SYCE1L: variants seen among roughly 807,000 people sequenced by gnomAD.
SYCE1L encodes the protein synaptonemal complex central element protein 1-like.
A neutral mutation model predicts 39.6 loss-of-function variants in SYCE1L; 51 were observed. The observed-to-expected ratio is 1.29, with a 90% CI of 1.03 to 1.63. SYCE1L has a LOEUF of 1.63. SYCE1L is among the 40% of genes most tolerant of loss of function. SYCE1L has a pLI of 0.00. For missense variants in SYCE1L, 426 were observed against 304.9 expected (o/e 1.40, Z -2.96); for synonymous variants, 147 against 122.4 (o/e 1.20, Z -1.33).
chr16:77,213,212 A>C lies in SYCE1L; in HGVS notation c.*281A>C. On this transcript the variant is annotated 3_prime_UTR_variant, in exon 11 of 11. Transcript: ENST00000378644. ...CTCATCTCGAGTTCCCAAACCATCT[A>C]TGTTGTCAACAGGGGCCGGAGGGCA... 3 of 349,930 alleles carry C rather than the reference A, an allele frequency of 8.6e-6. No homozygotes were observed. The highest frequency in any genetic ancestry group is 4.3e-5 in the East Asian group (1 of 23,510). The allele number at this position is 349,930 out of a possible 1,614,324, so 21.7% of individuals were successfully genotyped here.
chr16:77,206,526 C>T (rs1375400281), intron 2 of SYCE1L, 26 bp downstream of exon 2: 21 of 1,551,158 alleles, frequency 1.4e-5, no homozygotes, highest in Non-Finnish European at 1.8e-5. Context: ...GTTTCTGAGC[C>T]TCAGCCTGGG....
intron 1 of SYCE1L, among the ~76,000 whole-genome samples, chr16:77,205,434 A>ATATATATATATATATATATATATATG (rs1491350777): frequency 2.8e-4 from 11 of 38,836 alleles, no homozygotes; most frequent in African/African-American, 8.3e-4. Flanking sequence ...ATAGAAGTAA[A>ATATATATATATATATATATATATATG]TATATATATA....
At chr16:77,210,310 G>A (rs761621993) in intron 6 of SYCE1L, among the ~76,000 whole-genome samples, 2 of 152,144 alleles carry the variant, frequency 1.3e-5, no homozygotes, top group Non-Finnish European at 2.9e-5. Context: ...AAAGTGCTGG[G>A]ATTACAGGCG....
intron 1 of SYCE1L, among the ~76,000 whole-genome samples, chr16:77,204,873 C>T (rs1301991266): frequency 6.6e-6 from 1 of 151,756 alleles, no homozygotes; most frequent in Non-Finnish European, 1.5e-5. Flanking sequence ...AGTAAAACCC[C>T]ATCTCTACTA....
In SYCE1L at chr16:77,212,922, C is replaced by A. The variant is rs1218305277; in HGVS notation, c.720C>A (p.Asp240Glu). Residue 240 changes from aspartate to glutamate, a missense_variant, in exon 11 of 11, where the codon GAC (aspartate) becomes GAA (glutamate). Physicochemically the swap from Asp to Glu is conservative, Grantham distance 45 (BLOSUM62 2). Coordinates refer to ENST00000378644, the MANE Select transcript of SYCE1L (RefSeq NM_001129979.3). ...EDPEPPVAAP[D>E]AL ...CCGAGCCGCCGGTGGCTGCCCCTGACGCCCTCTAGGCCAGCAGGACCCGCC... is the reference window on the plus strand; with the variant it reads ...CCGAGCCGCCGGTGGCTGCCCCTGAAGCCCTCTAGGCCAGCAGGACCCGCC... The A allele has an allele frequency of 2.6e-6, 4 of 1,529,876 alleles. No individual in the cohort carries two copies. Among genetic ancestry groups the A allele is most frequent in the South Asian group, 1.2e-5 (1 of 82,722 alleles). The allele number at this position is 1,529,876 out of a possible 1,614,324, so 94.8% of individuals were successfully genotyped here. A position where few individuals can be genotyped will look rare whatever the true frequency, so the allele number is the denominator to read the frequency against.
chr16:77,199,429 G>C lies in SYCE1L; in HGVS notation c.-23G>C. 1 of 1,551,122 alleles carries C rather than the reference G, an allele frequency of 6.4e-7. No individual in the cohort carries two copies. Among genetic ancestry groups the C allele is most frequent in the Non-Finnish European group, 8.7e-7 (1 of 1,146,754 alleles). ...TTTAACCAGTCATCAAGCGAGGCTC[G>C]CGCGCAGGCCCCGCGTTGGAAAATG... On this transcript the variant is annotated 5_prime_UTR_variant, in exon 1 of 11. Coordinates refer to ENST00000378644, the MANE Select transcript of SYCE1L (RefSeq NM_001129979.3).
intron 1 of SYCE1L, among the ~76,000 whole-genome samples, chr16:77,203,046 C>T (rs748837272): frequency 7.2e-5 from 11 of 151,948 alleles, no homozygotes; most frequent in Non-Finnish European, 1.6e-4. Context: ...CCAACTTGTT[C>T]AAAGTGATTG....
intron 10 of SYCE1L, 25 bp from the exon 11 acceptor site, chr16:77,212,832 C>G (rs1173127697): frequency 1.4e-6 from 2 of 1,461,000 alleles, no homozygotes; most frequent in Admixed American, 2.4e-5. Context: ...GAACCTGGTC[C>G]GCAGCCTCAC....
chr16:77,212,049 G>T, intron 7 of SYCE1L, 81 bp from the exon 8 acceptor site: 1 of 1,437,932 alleles, frequency 7.0e-7, no homozygotes, highest in Admixed American at 2.5e-5. Flanking sequence ...TGAAGACTTC[G>T]CGAGAAGCAC....
chr16:77,199,543 C>A (rs952540401), intron 1 of SYCE1L, 31 bp downstream of exon 1: 8 of 1,513,692 alleles, frequency 5.3e-6, no homozygotes, highest in Middle Eastern at 1.8e-4. Flanking sequence ...GCACTCCTTT[C>A]TCTCCAACCA....
intron 1 of SYCE1L, among the ~76,000 whole-genome samples, chr16:77,204,354 T>C (rs2054769911): frequency 6.6e-6 from 1 of 152,164 alleles, no homozygotes; most frequent in Non-Finnish European, 1.5e-5. Flanking sequence ...GGAAGTAGGG[T>C]CTTTGCAGTT....
At chr16:77,211,402 G>T (rs1233656446) in intron 7 of SYCE1L, 126 bp downstream of exon 7, 7 of 1,142,842 alleles carry the variant, frequency 6.1e-6, no homozygotes, top group Admixed American at 6.1e-5. Context: ...CCTTGCTTCC[G>T]CTTGCCCACC....
Position 77,212,265 on chromosome 16 carries a change from C to G in SYCE1L, c.494-17C>G, listed in dbSNP as rs1204195590. On this transcript the variant is annotated splice_polypyrimidine_tract_variant and intron_variant, in intron 8 of 10. Transcript: ENST00000378644. Reference sequence around the variant, plus strand: ...GCCCGGGCCTCGGCCCTGCCCCTGACGCCCGCCCACCGACAGGGAGGCTGG... The same window carrying G: ...GCCCGGGCCTCGGCCCTGCCCCTGAGGCCCGCCCACCGACAGGGAGGCTGG... 2.0e-6 allele frequency: 3 copies of G among 1,517,910 alleles called. No individual in the cohort carries two copies. Among genetic ancestry groups the G allele is most frequent in the Admixed American group, 2.3e-5 (1 of 44,070 alleles). The allele number at this position is 1,517,910 out of a possible 1,614,324, so 94.0% of individuals were successfully genotyped here.
chr16:77,213,208 A>C lies in SYCE1L; in HGVS notation c.*277A>C. On this transcript the variant is annotated 3_prime_UTR_variant, in exon 11 of 11. Coordinates refer to ENST00000378644, the MANE Select transcript of SYCE1L (RefSeq NM_001129979.3). ...CGGCCTCATCTCGAGTTCCCAAACC[A>C]TCTATGTTGTCAACAGGGGCCGGAG... 7 of 353,992 alleles carry C rather than the reference A, an allele frequency of 2.0e-5. No homozygotes were observed. The highest frequency in any genetic ancestry group is 4.7e-5 in the Admixed American group (1 of 21,388). The allele number at this position is 353,992 out of a possible 1,614,324, so 21.9% of individuals were successfully genotyped here. A position where few individuals can be genotyped will look rare whatever the true frequency, so the allele number is the denominator to read the frequency against.
In SYCE1L at chr16:77,213,022, A is replaced by T; in HGVS notation, c.*91A>T. 7.5e-7 allele frequency: 1 copy of T among 1,327,562 alleles called. No homozygotes were observed. Among genetic ancestry groups the T allele is most frequent in the Non-Finnish European group, 1.0e-6 (1 of 1,000,354 alleles). The allele number at this position is 1,327,562 out of a possible 1,614,324, so 82.2% of individuals were successfully genotyped here. A position where few individuals can be genotyped will look rare whatever the true frequency, so the allele number is the denominator to read the frequency against. ...CCGACCATGCTCGCGTTCTCCGCGG[A>T]GTCTGTGCTACACCGTGGAGCGGGG... On this transcript the variant is annotated 3_prime_UTR_variant, in exon 11 of 11. Coordinates refer to ENST00000378644, the MANE Select transcript of SYCE1L (RefSeq NM_001129979.3).
chr16:77,200,291 T>TATATATATAC lies in SYCE1L; in HGVS notation c.61+780_61+781insTATATATACA. On this transcript the variant is annotated intron_variant, in intron 1 of 10. Coordinates refer to ENST00000378644, the MANE Select transcript of SYCE1L (RefSeq NM_001129979.3). ...ATATATGTGTATATATATATATATA[T>TATATATATAC]ACACACACTAATCAGCCGGGCGCGG... 5.6e-4 allele frequency: 62 copies of TATATATATAC among 111,372 alleles called. 4 individuals carry two copies. Among genetic ancestry groups the TATATATATAC allele is most frequent in the African/African-American group, 9.4e-4 (28 of 29,772 alleles). 6.9% of individuals were successfully genotyped at this position (111,372 alleles called of 1,614,324 possible).
In SYCE1L at chr16:77,212,161, G is replaced by A. The variant is rs538039690; in HGVS notation, c.455G>A (p.Arg152His). ...GAGCAGCGACTGGCCCGGGAGATCC[G>A]TGCCCTGGAGAGAAGCAAGGAGCAG... ...MLEQRLAREI[R>H]ALERSKEQLL... Residue 152 changes from arginine to histidine, a missense_variant, in exon 8 of 11, where the codon CGT becomes CAT. By Grantham distance (29) the Arg-to-His change is conservative (BLOSUM62 0). Coordinates refer to ENST00000378644, the MANE Select transcript of SYCE1L (RefSeq NM_001129979.3). 7.1e-6 allele frequency: 11 copies of A among 1,549,274 alleles called. No homozygotes were observed. The African/African-American group carries it at 9.6e-5, about 13-fold the overall frequency.
chr16:77,212,694 G>C, intron 10 of SYCE1L, 48 bp downstream of exon 10: 1 of 1,488,468 alleles, frequency 6.7e-7, no homozygotes, highest in Middle Eastern at 2.3e-4. Flanking sequence ...ACCGAGTCAG[G>C]AGAGAGCGGG....
At position 77,212,263 on chromosome 16, in the gene SYCE1L, G is replaced by C; in HGVS notation, c.494-19G>C. The C allele has an allele frequency of 6.6e-7, 1 of 1,520,634 alleles. No individual in the cohort carries two copies. Among genetic ancestry groups the C allele is most frequent in the Non-Finnish European group, 8.8e-7 (1 of 1,134,694 alleles). 94.2% of individuals were successfully genotyped at this position (1,520,634 alleles called of 1,614,324 possible). ...GTGCCCGGGCCTCGGCCCTGCCCCT[G>C]ACGCCCGCCCACCGACAGGGAGGCT... On this transcript the variant is annotated intron_variant, in intron 8 of 10. Coordinates refer to ENST00000378644, the MANE Select transcript of SYCE1L (RefSeq NM_001129979.3).
Sources: gnomAD v4.1 joint callset for allele counts (sites outside exome capture counted in the v4.1 genomes callset) on GRCh38, gnomAD v4.1.1 for gene constraint, MANE v1.5 for transcripts, NCBI Gene and HGNC (gene_info 2026-07-23, HGNC 2026-07-21) for gene names.